PFKL: variants seen among roughly 807,000 people sequenced by gnomAD.
The protein encoded by PFKL is ATP-dependent 6-phosphofructokinase, liver type.
A neutral mutation model predicts 92.1 loss-of-function variants in PFKL; 74 were observed. The ratio of observed to expected loss-of-function variants is 0.80; its 90% confidence interval spans 0.67 to 0.97. The LOEUF (loss-of-function observed/expected upper bound fraction) is 0.97, where lower values mean the gene tolerates loss of function less well. PFKL is among the 50% of genes least tolerant of loss of function. The pLI is 0.00. For synonymous variants in PFKL, 494 were observed against 456.4 expected, an observed-to-expected ratio of 1.08 and a Z score of -1.05; for missense variants, 1,028 against 1,116.6, an observed-to-expected ratio of 0.92 and a Z score of 1.13.
At chr21:44,305,459 GCA>G in intron 1 of PFKL, 1 of 915,064 alleles carries the variant, frequency 1.1e-6, no homozygotes, top group Admixed American at 2.1e-5. Flanking sequence ...GGGTGGGAGG[GCA>G]GGGGCTTTTG....
chr21:44,300,204 C>T lies in PFKL; in HGVS notation c.85+14C>T. The T allele has an allele frequency of 9.3e-7, 1 of 1,079,356 alleles. No homozygotes were observed. Among genetic ancestry groups the T allele is most frequent in the Non-Finnish European group, 1.1e-6 (1 of 890,794 alleles). 66.9% of individuals were successfully genotyped at this position (1,079,356 alleles called of 1,614,324 possible). ...GCGACGCGCAAGGTGGGCGGGGGTC[C>T]CGGCCGCGTCGCGGCGCAGGGGGTG... On this transcript the variant is annotated intron_variant, in intron 1 of 21. Transcript: ENST00000349048.
rs1302659331 is a variant in PFKL at position 44,324,534 on chromosome 21, G to A, written c.1694G>A (p.Arg565His). The change falls in exon 17 of 22, where the codon CGT becomes CAT. Residue 565 changes from arginine to histidine, a missense_variant. Physicochemically the swap from Arg to His is conservative, Grantham distance 29. Transcript: ENST00000349048. The part of the protein sequence containing the change: ...IKQSASGTKR[R>H]VFIVETMGGY... ...CAGTCTGCCTCGGGGACCAAGCGCC[G>A]TGTGTTCATCGTGGAGACCATGGGG... 6.2e-6 allele frequency: 10 copies of A among 1,613,354 alleles called. No individual in the cohort carries two copies. The highest frequency in any genetic ancestry group is 4.5e-5 in the East Asian group (2 of 44,886).
chr21:44,304,472 G>A (rs376510271), intron 1 of PFKL: 3 of 1,188,716 alleles, frequency 2.5e-6, no homozygotes, highest in Non-Finnish European at 1.1e-6. Flanking sequence ...TTGGACCTGT[G>A]GTGGGACCAG....
At chr21:44,303,247 A>G (rs951721477) in intron 1 of PFKL, among the ~76,000 whole-genome samples, 3 of 144,860 alleles carry the variant, frequency 2.1e-5, no homozygotes, top group African/African-American at 7.9e-5. Flanking sequence ...AACAAACAAG[A>G]AAAAACCCCA....
chr21:44,310,291 C>T (rs1471362766), intron 2 of PFKL, among the ~76,000 whole-genome samples: 6 of 152,348 alleles, frequency 3.9e-5, no homozygotes, highest in East Asian at 1.9e-4. Flanking sequence ...CAGGTAGAAC[C>T]GCATGAGAGG....
intron 2 of PFKL, 86 bp downstream of exon 2, chr21:44,306,840 G>T: frequency 8.2e-7 from 1 of 1,212,974 alleles, no homozygotes; most frequent in South Asian, 1.3e-5. Flanking sequence ...GGTCACACTG[G>T]GAGACGGGGT....
rs1408265224 is a variant in PFKL, at chr21:44,316,539, C to A, written c.936+15C>A. Reference sequence around the variant, plus strand: ...ACCGGATCCTGGTAAGTGGCCATCACCCTGCCCTGCGTACGTGCGTGGGTA... The same window carrying A: ...ACCGGATCCTGGTAAGTGGCCATCAACCTGCCCTGCGTACGTGCGTGGGTA... On this transcript the variant is annotated intron_variant, in intron 9 of 21. Transcript: ENST00000349048. 1 of 1,574,212 alleles carries A rather than the reference C, an allele frequency of 6.4e-7. No individual in the cohort carries two copies. Among genetic ancestry groups the A allele is most frequent in the Non-Finnish European group, 8.7e-7 (1 of 1,155,498 alleles).
At chr21:44,311,751 G>A (rs1456557987) in intron 3 of PFKL, among the ~76,000 whole-genome samples, 2 of 152,200 alleles carry the variant, frequency 1.3e-5, no homozygotes, top group African/African-American at 2.4e-5. Context: ...TGGAGGCCCT[G>A]GCCGGTTCCC....
At chr21:44,311,530 TCA>T (rs1349681982) in intron 3 of PFKL, among the ~76,000 whole-genome samples, 4 of 151,734 alleles carry the variant, frequency 2.6e-5, no homozygotes, top group African/African-American at 7.3e-5. Flanking sequence ...GTACTCAGAG[TCA>T]CACACACACG....
intron 7 of PFKL, 158 bp from the exon 8 acceptor site, chr21:44,316,086 G>A (rs934305353): frequency 1.5e-4 from 98 of 666,276 alleles, no homozygotes; most frequent in African/African-American, 1.4e-3. Flanking sequence ...CTCTGCCCTC[G>A]CGCTCCAGGC....
In PFKL at chr21:44,325,222, C is replaced by T. The variant is rs368037913; in HGVS notation, c.1947C>T (p.Gly649=). The T allele has an allele frequency of 7.4e-5, 120 of 1,612,970 alleles. No homozygotes were observed. Among genetic ancestry groups the T allele is most frequent in the African/African-American group, 5.7e-4 (43 of 75,046 alleles). The part of the protein sequence containing the change: ...LYNLYSSEGK[G]VFDCRTNVLG... Reference sequence around the variant, plus strand: ...ACCTGTACTCATCAGAGGGCAAGGGCGTCTTCGACTGCAGGACCAATGTCC... The same window carrying T: ...ACCTGTACTCATCAGAGGGCAAGGGTGTCTTCGACTGCAGGACCAATGTCC... The change falls in exon 19 of 22, where the codon GGC becomes GGT. Residue 649 remains glycine, a synonymous_variant. Transcript: ENST00000349048.
chr21:44,317,761 T>C (rs911596534), intron 9 of PFKL, among the ~76,000 whole-genome samples: 1 of 152,258 alleles, frequency 6.6e-6, no homozygotes, highest in African/African-American at 2.4e-5. Flanking sequence ...AGCCTCATCC[T>C]GCATGGGGGG....
rs757553945 is a variant in PFKL, at chr21:44,313,161, C to T, written c.593+18C>T. The T allele has an allele frequency of 1.6e-5, 26 of 1,611,088 alleles. No homozygotes were observed. The highest frequency in any genetic ancestry group is 2.2e-5 in the Non-Finnish European group (26 of 1,179,384). On this transcript the variant is annotated intron_variant, in intron 5 of 21. Coordinates refer to ENST00000349048, the MANE Select transcript of PFKL (RefSeq NM_002626.6). ...GCCCAGAGGTGAGTGAGGCTGGCGCCGGCGGCCAGCCCAGGGCCCCTCCTC... is the reference window on the plus strand; with the variant it reads ...GCCCAGAGGTGAGTGAGGCTGGCGCTGGCGGCCAGCCCAGGGCCCCTCCTC...
chr21:44,306,361 G>C (rs201957308), intron 1 of PFKL, among the ~76,000 whole-genome samples: 7 of 152,146 alleles, frequency 4.6e-5, no homozygotes, highest in Admixed American at 3.3e-4. Flanking sequence ...CTGAAGCCTA[G>C]AGCCTGCTGG....
chr21:44,305,387 C>G, intron 1 of PFKL: 1 of 1,363,866 alleles, frequency 7.3e-7, no homozygotes, highest in Non-Finnish European at 9.8e-7. Flanking sequence ...TTCAAGGGAG[C>G]TGCCGAGGCT....
rs909556519 is a variant in PFKL, at chr21:44,327,001, T to G, written c.*139T>G. The G allele has an allele frequency of 2.4e-5, 18 of 764,232 alleles. 2 individuals are homozygous for G. The African/African-American group carries it at 3.0e-4, about 13-fold the overall frequency. The allele number at this position is 764,232 out of a possible 1,614,324, so 47.3% of individuals were successfully genotyped here. ...CCCTGCTCAGCCCATCCCCTGCCTC[T>G]ATCCCTGGCCACCTGCCAGGCCTCC... On this transcript the variant is annotated 3_prime_UTR_variant, in exon 22 of 22. Transcript: ENST00000349048.
intron 2 of PFKL, among the ~76,000 whole-genome samples, chr21:44,309,943 G>A (rs1311001773): frequency 1.3e-5 from 2 of 152,228 alleles, no homozygotes; most frequent in African/African-American, 4.8e-5. Flanking sequence ...ACTATCCCTT[G>A]ACCCCCTGCC....
At chr21:44,325,697 C>T (rs947375861) in intron 19 of PFKL, 22 of 529,030 alleles carry the variant, frequency 4.2e-5, no homozygotes, top group Middle Eastern at 9.8e-4. Context: ...CGCTGGCTGC[C>T]GATGCAGGGC....
In PFKL at chr21:44,300,212, G is replaced by A. The variant is rs755036023; in HGVS notation, c.85+22G>A. The A allele has an allele frequency of 6.1e-4, 649 of 1,065,234 alleles. 3 individuals are homozygous for A. Among genetic ancestry groups the A allele is most frequent in the Non-Finnish European group, 7.0e-4 (616 of 880,838 alleles). 66.0% of individuals were successfully genotyped at this position (1,065,234 alleles called of 1,614,324 possible). On this transcript the variant is annotated intron_variant, in intron 1 of 21. Transcript: ENST00000349048. ...CAAGGTGGGCGGGGGTCCCGGCCGC[G>A]TCGCGGCGCAGGGGGTGGAGGGCGC...
Sources: allele counts gnomAD v4.1 joint callset (sites outside exome capture counted in the v4.1 genomes callset), GRCh38; gene constraint gnomAD v4.1.1; transcripts MANE v1.5; gene names NCBI Gene and HGNC (gene_info 2026-07-23, HGNC 2026-07-21).